NRG1: variants seen among roughly 807,000 people sequenced by gnomAD.
NRG1 encodes the protein neuregulin 1, also known as pro-neuregulin-1, membrane-bound isoform.
NRG1 carries 18 observed loss-of-function variants against 63.8 expected under a neutral mutation model. That is an observed-to-expected ratio of 0.28 (90% CI 0.19 to 0.42). The LOEUF (loss-of-function observed/expected upper bound fraction) is 0.42, where lower values mean the gene tolerates loss of function less well. Among genes scored for constraint, NRG1 ranks in the 10% least tolerant of loss-of-function variants. The pLI is 1.00. For missense variants in NRG1, 762 were observed against 814.7 expected (o/e 0.94, Z 0.79); for synonymous variants, 302 against 301.3 (o/e 1.00, Z -0.02).
intron 1 of NRG1, among the ~76,000 whole-genome samples, chr8:32,450,768 G>A (rs961029040): frequency 3.9e-5 from 6 of 152,252 alleles, no homozygotes; most frequent in African/African-American, 1.4e-4. Flanking sequence ...GAAGAGCATA[G>A]AAGAGTCTCT....
At chr8:31,647,995 C>T (rs1266107700) in intron 1 of NRG1, among the ~76,000 whole-genome samples, 1 of 152,098 alleles carries the variant, frequency 6.6e-6, no homozygotes, top group Non-Finnish European at 1.5e-5. Flanking sequence ...ACCCTCACTG[C>T]AATCCATCTC....
intron 1 of NRG1, among the ~76,000 whole-genome samples, chr8:31,816,428 T>C (rs921005411): frequency 6.6e-6 from 1 of 152,228 alleles, no homozygotes; most frequent in East Asian, 1.9e-4. Context: ...TCCTTCTTCC[T>C]TTCCTCTCCT....
chr8:32,568,115 A>G (rs1339677776), intron 1 of NRG1, among the ~76,000 whole-genome samples: 2 of 152,216 alleles, frequency 1.3e-5, no homozygotes, highest in East Asian at 3.9e-4. Context: ...AGAAAATAAT[A>G]TGGTTAGGAT....
intron 1 of NRG1, among the ~76,000 whole-genome samples, chr8:31,989,183 G>A (rs940792740): frequency 2.1e-5 from 3 of 142,092 alleles, no homozygotes; most frequent in African/African-American, 8.0e-5. Context: ...GGAGGCAGAG[G>A]TTGCAGTGAA....
intron 1 of NRG1, among the ~76,000 whole-genome samples, chr8:32,509,401 T>G (rs765642753): frequency 6.6e-6 from 1 of 152,160 alleles, no homozygotes; most frequent in Non-Finnish European, 1.5e-5. Flanking sequence ...GCCTGAATTG[T>G]TTCTATTATT....
intron 1 of NRG1, among the ~76,000 whole-genome samples, chr8:32,566,409 G>T (rs1274554249): frequency 6.6e-6 from 1 of 151,390 alleles, no homozygotes; most frequent in Non-Finnish European, 1.5e-5. Context: ...TTTAGATTTG[G>T]TGTAGCTTTT....
intron 1 of NRG1, among the ~76,000 whole-genome samples, chr8:32,382,344 A>T (rs1810459842): frequency 1.3e-5 from 2 of 152,210 alleles, no homozygotes; most frequent in Non-Finnish European, 2.9e-5. Context: ...CGTAGAAATT[A>T]TACAACCTGT....
At position 32,197,987 on chromosome 8, in the gene NRG1, C is replaced by A. The variant is rs149157041; in HGVS notation, c.38-397841C>A. 9.0e-3 allele frequency among the ~76,000 whole-genome samples: 1,377 copies of A among 152,312 alleles called. 12 individuals carry two copies. Among genetic ancestry groups the A allele is most frequent in the Non-Finnish European group, 0.016 (1,060 of 68,022 alleles). On this transcript the variant is annotated intron_variant, in intron 1 of 10. Transcript: ENST00000519301. ...ACACACGCATGCACGCGCACACACA[C>A]ACACACACACCATCCAGGATCCTCC...
chr8:31,910,536 T>C (rs810284), intron 1 of NRG1, among the ~76,000 whole-genome samples: 32,732 of 152,022 alleles, frequency 0.22, 5,326 homozygotes, highest in African/African-American at 0.45. Flanking sequence ...AGAGATGATG[T>C]TGGGAGCAAA....
At chr8:32,322,355 TTATA>T (rs149742517) in intron 1 of NRG1, among the ~76,000 whole-genome samples, 8 of 142,626 alleles carry the variant, frequency 5.6e-5, no homozygotes, top group East Asian at 2.0e-4. Context: ...CAACCTTATT[TTATA>T]TATATATATA....
chr8:32,617,809 C>G (rs41353848), intron 5 of NRG1, among the ~76,000 whole-genome samples: 10,355 of 152,166 alleles, frequency 0.068, 1,101 homozygotes, highest in East Asian at 0.51. Flanking sequence ...GAAAGTCTGT[C>G]CTTTTGGCAA....
chr8:32,685,047 A>T (rs2128924002), intron 5 of NRG1, among the ~76,000 whole-genome samples: 1 of 152,314 alleles, frequency 6.6e-6, no homozygotes, highest in South Asian at 2.1e-4. Flanking sequence ...ACCATGGAAC[A>T]GTATCACAAG....
At chr8:32,633,854 A>T (rs1034268240) in intron 5 of NRG1, among the ~76,000 whole-genome samples, 6 of 152,060 alleles carry the variant, frequency 3.9e-5, no homozygotes, top group African/African-American at 1.4e-4. Flanking sequence ...GGCCGGGAGC[A>T]GTAGTCTGTA....
At chr8:32,638,230 G>T (rs1229073368) in intron 5 of NRG1, among the ~76,000 whole-genome samples, 1 of 151,686 alleles carries the variant, frequency 6.6e-6, no homozygotes, top group Admixed American at 6.6e-5. Context: ...TCATGTAATG[G>T]GTGCAGCAAA....
intron 5 of NRG1, among the ~76,000 whole-genome samples, chr8:32,673,126 A>G (rs986894263): frequency 1.3e-5 from 2 of 152,244 alleles, no homozygotes; most frequent in Non-Finnish European, 2.9e-5. Flanking sequence ...CACACCACAA[A>G]GCGAGTTATT....
intron 1 of NRG1, among the ~76,000 whole-genome samples, chr8:31,984,957 A>G (rs1319827237): frequency 6.6e-6 from 1 of 152,136 alleles, no homozygotes; most frequent in Non-Finnish European, 1.5e-5. Flanking sequence ...AGTATTTCTT[A>G]CCTTCTTCTC....
At chr8:32,703,763 G>A (rs1006706508) in intron 5 of NRG1, among the ~76,000 whole-genome samples, 6 of 152,112 alleles carry the variant, frequency 3.9e-5, no homozygotes, top group African/African-American at 1.4e-4. Context: ...TTTAATTTGA[G>A]AATATTTTAA....
chr8:32,698,549 G>C (rs1462656862), intron 5 of NRG1, among the ~76,000 whole-genome samples: 2 of 152,172 alleles, frequency 1.3e-5, no homozygotes, highest in Non-Finnish European at 2.9e-5. Flanking sequence ...GAAAGCCCAG[G>C]CTCATGAAAG....
chr8:32,633,907 T>C (rs1850800483), intron 5 of NRG1, among the ~76,000 whole-genome samples: 1 of 151,858 alleles, frequency 6.6e-6, no homozygotes, highest in African/African-American at 2.4e-5. Context: ...TTTGGGAGGC[T>C]GAGGCAGGAG....
Sources: gnomAD v4.1 joint callset for allele counts (sites outside exome capture counted in the v4.1 genomes callset) on GRCh38, gnomAD v4.1.1 for gene constraint, MANE v1.5 for transcripts, NCBI Gene and HGNC (gene_info 2026-07-23, HGNC 2026-07-21) for gene names.